DOCK4: variants seen among roughly 807,000 people sequenced by gnomAD.
The protein encoded by DOCK4 is dedicator of cytokinesis 4.
DOCK4 carries 97 observed loss-of-function variants against 268.1 expected under a neutral mutation model. The ratio of observed to expected loss-of-function variants is 0.36; its 90% CI spans 0.31 to 0.43. The LOEUF is 0.43. Among genes scored for constraint, DOCK4 ranks in the 20% least tolerant of loss-of-function variants. The pLI is 1.00. For synonymous variants in DOCK4, 954 were observed against 887.2 expected (o/e 1.08, Z -1.34); for missense variants, 2,145 against 2,455.7 (o/e 0.87, Z 2.67).
intron 1 of DOCK4, among the ~76,000 whole-genome samples, chr7:112,200,163 T>C (rs1017627154): frequency 2.6e-5 from 4 of 152,200 alleles, no homozygotes; most frequent in Admixed American, 6.5e-5. Context: ...TTTTTCAAAC[T>C]GTGGGTCAGG....
At chr7:111,983,862 G>GCGCGCACGCACACACACACACA in intron 7 of DOCK4, among the ~76,000 whole-genome samples, 1 of 138,562 alleles carries the variant, frequency 7.2e-6, no homozygotes, top group African/African-American at 2.8e-5. Flanking sequence ...GCGCGCGCGC[G>GCGCGCACGCACACACACACACA]CACACACACA....
chr7:111,741,969 G>A, intron 45 of DOCK4, 44 bp downstream of exon 45: 3 of 1,518,662 alleles, frequency 2.0e-6, no homozygotes, highest in Non-Finnish European at 1.8e-6. Flanking sequence ...CAAGCAAACG[G>A]CAGTGATCAG....
chr7:112,025,648 A>C (rs9649349), intron 1 of DOCK4, among the ~76,000 whole-genome samples: 50,812 of 151,974 alleles, frequency 0.33, 9,323 homozygotes, highest in Non-Finnish European at 0.41. Flanking sequence ...ATGGATCCTC[A>C]AGACCAATGA....
chr7:111,751,131 T>A (rs1796611161), intron 42 of DOCK4, among the ~76,000 whole-genome samples: 1 of 152,090 alleles, frequency 6.6e-6, no homozygotes, highest in African/African-American at 2.4e-5. Context: ...CAGTAGCACA[T>A]AACACCAAGT....
At chr7:111,974,815 C>A (rs1469000061) in intron 8 of DOCK4, among the ~76,000 whole-genome samples, 1 of 152,070 alleles carries the variant, frequency 6.6e-6, no homozygotes, top group African/African-American at 2.4e-5. Context: ...AAATAAGGAG[C>A]ACTCTGAAGA....
chr7:111,730,099 C>T (rs1046282675), intron 52 of DOCK4, among the ~76,000 whole-genome samples: 1 of 152,122 alleles, frequency 6.6e-6, no homozygotes, highest in Non-Finnish European at 1.5e-5. Context: ...TACACCCGGC[C>T]TCCTTCATTT....
intron 52 of DOCK4, 93 bp from the exon 53 acceptor site, chr7:111,728,813 C>G: frequency 8.2e-7 from 1 of 1,213,024 alleles, no homozygotes; most frequent in Non-Finnish European, 1.1e-6. Context: ...GAGGCCCCGG[C>G]CCCCAGCACC....
At chr7:112,062,359 C>T (rs755149544) in intron 1 of DOCK4, among the ~76,000 whole-genome samples, 6 of 152,200 alleles carry the variant, frequency 3.9e-5, no homozygotes, top group South Asian at 2.1e-4. Flanking sequence ...AAAAGTACTC[C>T]GAACATTAAT....
At chr7:111,794,587 C>T (rs1255126494) in intron 30 of DOCK4, among the ~76,000 whole-genome samples, 2 of 152,066 alleles carry the variant, frequency 1.3e-5, no homozygotes, top group East Asian at 3.9e-4. Context: ...CAAAGAGGGG[C>T]AAGGTTGTCA....
chr7:111,978,693 C>A (rs571824188), intron 7 of DOCK4, among the ~76,000 whole-genome samples: 1 of 152,316 alleles, frequency 6.6e-6, no homozygotes, highest in African/African-American at 2.4e-5. Flanking sequence ...CAGGTTGTTT[C>A]TCCCCATAAT....
chr7:112,008,754 G>A (rs1247311799), intron 1 of DOCK4, among the ~76,000 whole-genome samples: 1 of 152,210 alleles, frequency 6.6e-6, no homozygotes, highest in East Asian at 1.9e-4. Flanking sequence ...AGCACTTTGC[G>A]GGGCCGAGGC....
At chr7:112,004,170 T>C (rs764464362) in intron 1 of DOCK4, 39 bp from the exon 2 acceptor site, 1 of 1,453,100 alleles carries the variant, frequency 6.9e-7, no homozygotes, top group South Asian at 1.2e-5. Flanking sequence ...GACAATCATG[T>C]CCATTACAGC....
chr7:112,203,601 T>C (rs538001845), intron 1 of DOCK4, among the ~76,000 whole-genome samples: 1 of 152,294 alleles, frequency 6.6e-6, no homozygotes, highest in East Asian at 1.9e-4. Context: ...CAAAGACTGA[T>C]TTATTTCAAA....
chr7:111,745,849 AGCCTTTT>A (rs200968381), intron 44 of DOCK4, among the ~76,000 whole-genome samples: 2,218 of 152,224 alleles, frequency 0.015, 27 homozygotes, highest in Non-Finnish European at 0.024. Context: ...CAAAATTTGA[AGCCTTTT>A]GAATGCCAAC....
chr7:111,889,991 G>A (rs1808160197), intron 16 of DOCK4, among the ~76,000 whole-genome samples: 1 of 152,132 alleles, frequency 6.6e-6, no homozygotes, highest in South Asian at 2.1e-4. Flanking sequence ...CTTCTCCAAG[G>A]CAGACGGTAT....
chr7:111,798,494 C>A (rs1208507655), intron 30 of DOCK4, among the ~76,000 whole-genome samples: 1 of 152,202 alleles, frequency 6.6e-6, no homozygotes, highest in Non-Finnish European at 1.5e-5. Flanking sequence ...TTTTTCTCAA[C>A]CTTGGTTGCA....
At chr7:112,054,318 A>G (rs1381385305) in intron 1 of DOCK4, among the ~76,000 whole-genome samples, 1 of 151,648 alleles carries the variant, frequency 6.6e-6, no homozygotes, top group Non-Finnish European at 1.5e-5. Context: ...AAGTTATTTA[A>G]TACTGCTCTA....
intron 22 of DOCK4, among the ~76,000 whole-genome samples, chr7:111,865,928 C>T (rs1805940173): frequency 6.6e-6 from 1 of 152,202 alleles, no homozygotes; most frequent in Non-Finnish European, 1.5e-5. Context: ...AACAAAGAAA[C>T]ATTTCTGCCA....
At chr7:111,763,622 C>T (rs1797587889) in intron 39 of DOCK4, among the ~76,000 whole-genome samples, 1 of 152,120 alleles carries the variant, frequency 6.6e-6, no homozygotes, top group African/African-American at 2.4e-5. Flanking sequence ...ACTCTGCCAA[C>T]AATGTCATGT....
Sources: allele counts gnomAD v4.1 joint callset (sites outside exome capture counted in the v4.1 genomes callset), GRCh38; gene constraint gnomAD v4.1.1; transcripts MANE v1.5; gene names NCBI Gene and HGNC (gene_info 2026-07-23, HGNC 2026-07-21).